Variants in INO80D observed in about 807,000 individuals in gnomAD.
The protein encoded by INO80D is INO80 complex subunit D.
In INO80D, 21 loss-of-function variants were observed where a neutral mutation model predicts 87.6. The ratio of observed to expected loss-of-function variants is 0.24; its 90% CI spans 0.17 to 0.35. INO80D has a LOEUF of 0.35. Among genes scored for constraint, INO80D ranks in the 10% least tolerant of loss-of-function variants. The probability of loss-of-function intolerance (pLI) is 1.00; values close to 1 mark genes in which losing one functional copy is unlikely to be tolerated. For synonymous variants in INO80D, 440 were observed against 491.0 expected, an observed-to-expected ratio of 0.90 and a Z score of 1.37; for missense variants, 982 against 1,280.7, an observed-to-expected ratio of 0.77 and a Z score of 3.56.
At chr2:206,068,780 C>A (rs1212760116) in intron 1 of INO80D, among the ~76,000 whole-genome samples, 1 of 151,880 alleles carries the variant, frequency 6.6e-6, no homozygotes, top group Non-Finnish European at 1.5e-5. Context: ...ACTCACTGCA[C>A]CCTCAACCTC....
At chr2:206,084,487 AC>A (rs1408120860) in intron 1 of INO80D, 1 of 152,238 alleles carries the variant, frequency 6.6e-6, no homozygotes, top group Non-Finnish European at 1.5e-5. Context: ...TGCCCTGCCC[AC>A]TTCCTCTCCC....
In INO80D at chr2:206,003,489, C is replaced by T. The variant is rs1687940965; in HGVS notation, c.*879G>A. On this transcript the variant is annotated 3_prime_UTR_variant, in exon 11 of 11. Coordinates refer to ENST00000403263, the MANE Select transcript of INO80D (RefSeq NM_017759.5). ...CCCCAGAACCCCGGCAGCCTGCAGT[C>T]ATCCCAGGCAAGCTTTTTAGGACAT... The T allele has an allele frequency of 6.6e-6, 1 of 152,196 alleles. No homozygotes were observed. Among genetic ancestry groups the T allele is most frequent in the South Asian group, 2.1e-4 (1 of 4,834 alleles). 9.4% of individuals were successfully genotyped at this position (152,196 alleles called of 1,614,324 possible).
At chr2:206,050,882 T>G (rs545615967) in intron 4 of INO80D, among the ~76,000 whole-genome samples, 3 of 152,004 alleles carry the variant, frequency 2.0e-5, no homozygotes, top group Non-Finnish European at 4.4e-5. Context: ...AGCAGGAGAA[T>G]GGCGTGAACC....
At chr2:206,027,141 C>T (rs190650495) in intron 6 of INO80D, among the ~76,000 whole-genome samples, 54 of 109,012 alleles carry the variant, frequency 5.0e-4, no homozygotes, top group East Asian at 4.7e-3. Context: ...AATTTACACA[C>T]GCACGCGCGC....
Position 206,056,290 on chromosome 2 carries a change from G to A in INO80D, c.872C>T (p.Ser291Phe). Reference protein sequence around the residue: ...DRILMKATAFSPHFSCISRLQ... With the variant: ...DRILMKATAFFPHFSCISRLQ... The stretch of plus-strand genomic sequence containing the variant: ...TCGGCTTATACATGAGAAGTGTGGA[G>A]AGAAGGCTGTGGCTTTCATGAGGAT... The change falls in exon 4 of 11, where the codon TCT becomes TTT. Residue 291 changes from serine (S) to phenylalanine (F), a missense_variant. By Grantham distance (155) the Ser-to-Phe change is radical. Coordinates refer to ENST00000403263, the MANE Select transcript of INO80D (RefSeq NM_017759.5). 2.5e-6 allele frequency: 4 copies of A among 1,614,026 alleles called. No individual in the cohort carries two copies. The highest frequency in any genetic ancestry group is 3.4e-6 in the Non-Finnish European group (4 of 1,179,892).
chr2:206,008,885 T>C (rs1184994669), intron 9 of INO80D, among the ~76,000 whole-genome samples: 4 of 152,202 alleles, frequency 2.6e-5, no homozygotes, highest in East Asian at 3.8e-4. Context: ...ACAGGTAAAA[T>C]TGAAATGCTT....
chr2:206,005,147 G>C lies in INO80D; in HGVS notation c.2305C>G (p.Leu769Val), dbSNP rs370685217. ...TCCCCAAGTGCACTCTGGCTGATCA[G>C]AGTGGCAGAAGTAAGGCCAACGTTG... The part of the protein sequence containing the change: ...PANVGLTSAT[L>V]ISQSALGERA... Residue 769 changes from leucine to valine, a missense_variant, in exon 11 of 11, where the codon CTG (leucine) becomes GTG (valine). Coordinates refer to ENST00000403263, the MANE Select transcript of INO80D (RefSeq NM_017759.5). 3.7e-5 allele frequency: 60 copies of C among 1,613,914 alleles called. No individual in the cohort carries two copies. The highest frequency in any genetic ancestry group is 4.9e-5 in the Non-Finnish European group (58 of 1,179,890).
intron 6 of INO80D, 52 bp from the exon 7 acceptor site, chr2:206,019,897 AG>A (rs749347082): frequency 1.1e-5 from 15 of 1,417,516 alleles, no homozygotes; most frequent in Non-Finnish European, 1.5e-5. Flanking sequence ...TTAAGAATCC[AG>A]GGTAATTTTT....
chr2:206,082,267 G>A (rs1057385925), intron 1 of INO80D, among the ~76,000 whole-genome samples: 49 of 152,158 alleles, frequency 3.2e-4, no homozygotes, highest in African/African-American at 1.2e-3. Context: ...TGATCCGCCC[G>A]CCTCAGCCTC....
At chr2:206,068,268 T>C (rs1689871733) in intron 1 of INO80D, among the ~76,000 whole-genome samples, 1 of 152,094 alleles carries the variant, frequency 6.6e-6, no homozygotes, top group Non-Finnish European at 1.5e-5. Context: ...CTGGCTAATT[T>C]TTTAAATTTT....
intron 9 of INO80D, among the ~76,000 whole-genome samples, chr2:206,009,101 A>G (rs147422842): frequency 1.6e-3 from 238 of 152,278 alleles, no homozygotes; most frequent in African/African-American, 5.5e-3. Flanking sequence ...CTTGAGGTCA[A>G]GAGTTCCAGA....
intron 8 of INO80D, 51 bp from the exon 9 acceptor site, chr2:206,009,845 T>C (rs753127487): frequency 3.0e-5 from 43 of 1,446,974 alleles, no homozygotes; most frequent in Non-Finnish European, 4.0e-5. Context: ...GGGATAAACC[T>C]GACAGCTACC....
intron 8 of INO80D, among the ~76,000 whole-genome samples, chr2:206,015,968 G>C (rs921954804): frequency 6.6e-6 from 1 of 152,186 alleles, no homozygotes; most frequent in East Asian, 1.9e-4. Flanking sequence ...GGGAACCTCT[G>C]CTAGAATAGT....
chr2:206,005,397 C>G lies in INO80D; in HGVS notation c.2055G>C (p.Leu685Phe). The G allele has an allele frequency of 1.9e-6, 3 of 1,613,970 alleles. No homozygotes were observed. The highest frequency in any genetic ancestry group is 2.5e-6 in the Non-Finnish European group (3 of 1,179,882). ...AQSDGVPVQE[L>F]SDRGIGVFST... Reference sequence around the variant, plus strand: ...AGAACACCCCTATTCCTCTATCTGACAACTCCTGGACTGGCACACCATCTG... The same window carrying G: ...AGAACACCCCTATTCCTCTATCTGAGAACTCCTGGACTGGCACACCATCTG... The change falls in exon 11 of 11, where the codon TTG (leucine) becomes TTC (phenylalanine). Residue 685 changes from leucine to phenylalanine, a missense_variant. Transcript: ENST00000403263.
intron 6 of INO80D, among the ~76,000 whole-genome samples, chr2:206,025,252 G>A (rs779015970): frequency 6.6e-5 from 10 of 151,276 alleles, no homozygotes; most frequent in Non-Finnish European, 7.4e-5. Flanking sequence ...AACTGGCCAC[G>A]CATGGTAGCT....
At position 206,056,382 on chromosome 2, in the gene INO80D, G is replaced by A. The variant is rs759284979; in HGVS notation, c.780C>T (p.His260=). 1 of 1,613,914 alleles carries A rather than the reference G, an allele frequency of 6.2e-7. No individual in the cohort carries two copies. Among genetic ancestry groups the A allele is most frequent in the Non-Finnish European group, 8.5e-7 (1 of 1,179,868 alleles). The stretch of plus-strand genomic sequence containing the variant: ...ATGGCAGGAGGGGCAGAGGCCTCTT[G>A]TGAGACAACTGCCGTGCTTGTGCTA... ...HTIAQARQLS[H]KRPLPLLPSS... is the part of the protein sequence containing the mutation. Residue 260 remains histidine, a synonymous_variant, in exon 4 of 11, where the codon CAC becomes CAT. Transcript: ENST00000403263.
intron 1 of INO80D, among the ~76,000 whole-genome samples, chr2:206,081,448 T>C (rs1277096315): frequency 6.6e-6 from 1 of 152,172 alleles, no homozygotes; most frequent in Non-Finnish European, 1.5e-5. Flanking sequence ...ATTTAGATGT[T>C]ACTACTAGAA....
chr2:206,085,865 G>A lies in INO80D; in HGVS notation c.-124+36C>T, dbSNP rs1690453834. On this transcript the variant is annotated intron_variant, in intron 1 of 10. Transcript: ENST00000403263. This position sits in a 1 kb window ranked among gnomAD's most constrained non-coding sequence, Gnocchi z 4.5. ...CAGCCCGCCGCCCTACGGGAGCCCG[G>A]GGATGTGGGCCGGGCCTGGGGCCGC... The A allele has an allele frequency of 6.6e-6, 1 of 151,962 alleles. No individual in the cohort carries two copies. Among genetic ancestry groups the A allele is most frequent in the Non-Finnish European group, 1.5e-5 (1 of 68,072 alleles). 9.4% of individuals were successfully genotyped at this position (151,962 alleles called of 1,614,324 possible).
Position 206,063,060 on chromosome 2 carries a change from CA to C in INO80D, c.-29-16del. 6 of 1,356,034 alleles carry C rather than the reference CA, an allele frequency of 4.4e-6. No individual in the cohort carries two copies. Among genetic ancestry groups the C allele is most frequent in the Non-Finnish European group, 5.2e-6 (5 of 964,784 alleles). 84.0% of individuals were successfully genotyped at this position (1,356,034 alleles called of 1,614,324 possible). On this transcript the variant is annotated splice_polypyrimidine_tract_variant and intron_variant, in intron 2 of 10. Transcript: ENST00000403263. Reference sequence around the variant, plus strand: ...GTGAACATCAGCTAAAAGGCCACCACAAAAAAAGAAACCCAAATGATAAATC... The same window carrying C: ...GTGAACATCAGCTAAAAGGCCACCACAAAAAAGAAACCCAAATGATAAATC...
Sources: gnomAD v4.1 joint callset for allele counts (sites outside exome capture counted in the v4.1 genomes callset) on GRCh38, gnomAD v4.1.1 for gene constraint, Gnocchi (gnomAD v3.1) non-coding constraint, MANE v1.5 for transcripts, NCBI Gene and HGNC (gene_info 2026-07-23, HGNC 2026-07-21) for gene names.